The following CGNL1 variants were observed in gnomAD, a reference collection of about 807,000 sequenced individuals.
The protein encoded by CGNL1 is cingulin like 1, also known as cingulin-like protein 1.
Under a neutral mutation model 141.2 loss-of-function variants are expected in CGNL1, and 132 were observed. That is an observed-to-expected ratio of 0.93 (90% CI 0.81 to 1.08). CGNL1 has a LOEUF of 1.08. Ranked by LOEUF, CGNL1 falls within the 50% of genes least tolerant of loss-of-function variation. The pLI is 0.00. For synonymous variants in CGNL1, 690 were observed against 622.1 expected (o/e 1.11, Z -1.63); for missense variants, 1,870 against 1,588.6 (o/e 1.18, Z -3.01).
intron 14 of CGNL1, among the ~76,000 whole-genome samples, chr15:57,538,000 C>T (rs1285921657): frequency 6.8e-6 from 1 of 147,076 alleles, no homozygotes; most frequent in Non-Finnish European, 1.5e-5. Flanking sequence ...TAGGTTTTTC[C>T]CTCCTCCCCG....
intron 1 of CGNL1, among the ~76,000 whole-genome samples, chr15:57,414,494 T>C (rs116060677): frequency 4.9e-3 from 748 of 152,246 alleles, no homozygotes; most frequent in African/African-American, 0.017. Context: ...AGACAGACTT[T>C]TGAGATAGCT....
At chr15:57,543,672 G>A (rs1307245090) in intron 14 of CGNL1, 24 bp from the exon 15 acceptor site, 3 of 1,592,086 alleles carry the variant, frequency 1.9e-6, no homozygotes, top group Non-Finnish European at 2.6e-6. Context: ...TCTAACCTCT[G>A]GGCTTTTGTT....
intron 8 of CGNL1, among the ~76,000 whole-genome samples, chr15:57,487,277 T>A (rs1280608081): frequency 6.6e-6 from 1 of 152,120 alleles, no homozygotes; most frequent in Non-Finnish European, 1.5e-5. Flanking sequence ...AAGAACAACT[T>A]TTTCTTTCTT....
intron 1 of CGNL1, among the ~76,000 whole-genome samples, chr15:57,427,791 T>C (rs570993958): frequency 3.9e-5 from 6 of 152,280 alleles, no homozygotes; most frequent in Non-Finnish European, 8.8e-5. Context: ...CCTTAAGAGA[T>C]ACTTGATAAC....
chr15:57,444,516 T>G (rs1041528688), intron 4 of CGNL1, among the ~76,000 whole-genome samples: 1 of 152,066 alleles, frequency 6.6e-6, no homozygotes, highest in South Asian at 2.1e-4. Context: ...GTTCTTAGAG[T>G]GAGCGCAGTC....
At chr15:57,537,445 T>C (rs549293872) in intron 14 of CGNL1, among the ~76,000 whole-genome samples, 6 of 152,008 alleles carry the variant, frequency 3.9e-5, no homozygotes, top group East Asian at 1.9e-4. Context: ...TCTTCTTCTT[T>C]TTTTTTTTAA....
intron 1 of CGNL1, among the ~76,000 whole-genome samples, chr15:57,415,152 C>A (rs192410454): frequency 1.6e-3 from 239 of 152,284 alleles, no homozygotes; most frequent in African/African-American, 5.5e-3. Flanking sequence ...AGTCCTTTTT[C>A]TTTTCTTCCT....
intron 8 of CGNL1, among the ~76,000 whole-genome samples, chr15:57,511,991 G>A (rs1020216394): frequency 1.3e-5 from 2 of 152,176 alleles, no homozygotes; most frequent in African/African-American, 4.8e-5. Flanking sequence ...TCAGAGAATC[G>A]TAGAAACATA....
At chr15:57,414,021 A>C (rs952826541) in intron 1 of CGNL1, among the ~76,000 whole-genome samples, 2 of 152,238 alleles carry the variant, frequency 1.3e-5, no homozygotes, top group African/African-American at 2.4e-5. Flanking sequence ...TAAAGCCTCA[A>C]GTGACTTGAA....
At chr15:57,461,926 A>G (rs1595729001) in intron 8 of CGNL1, 34 bp downstream of exon 8, 1 of 1,552,274 alleles carries the variant, frequency 6.4e-7, no homozygotes, top group East Asian at 2.2e-5. Flanking sequence ...TGGCTTGTGA[A>G]CAGATGAAAG....
At chr15:57,534,729 A>G (rs1050969014) in intron 14 of CGNL1, among the ~76,000 whole-genome samples, 2 of 152,252 alleles carry the variant, frequency 1.3e-5, no homozygotes, top group African/African-American at 4.8e-5. Flanking sequence ...TAACAAGGAC[A>G]TCTCCTAAAA....
chr15:57,534,476 CTCAT>C (rs1217130934), intron 14 of CGNL1, among the ~76,000 whole-genome samples: 1 of 152,214 alleles, frequency 6.6e-6, no homozygotes, highest in Non-Finnish European at 1.5e-5. Flanking sequence ...GCATCTCATT[CTCAT>C]TCAAAGTTGA....
At chr15:57,398,142 T>C (rs575369680) in intron 1 of CGNL1, among the ~76,000 whole-genome samples, 64 of 152,350 alleles carry the variant, frequency 4.2e-4, no homozygotes, top group African/African-American at 1.5e-3. Flanking sequence ...AATAGATGCT[T>C]ATTGTAAAGC....
chr15:57,522,190 G>T (rs1418671395), intron 10 of CGNL1, among the ~76,000 whole-genome samples: 2 of 152,034 alleles, frequency 1.3e-5, no homozygotes, highest in Non-Finnish European at 2.9e-5. Flanking sequence ...GTTAACCTTG[G>T]TTCTCTGCAG....
At chr15:57,473,538 G>C (rs918688952) in intron 8 of CGNL1, among the ~76,000 whole-genome samples, 3 of 152,130 alleles carry the variant, frequency 2.0e-5, no homozygotes, top group Non-Finnish European at 4.4e-5. Context: ...TTCCCATGTC[G>C]AAAAGGTCTG....
At chr15:57,434,986 G>A (rs149287497) in intron 1 of CGNL1, among the ~76,000 whole-genome samples, 3 of 152,140 alleles carry the variant, frequency 2.0e-5, no homozygotes, top group Admixed American at 6.5e-5. Flanking sequence ...CCCTAATATA[G>A]GGTAGGAGGA....
chr15:57,539,041 C>T (rs190137626), intron 14 of CGNL1, among the ~76,000 whole-genome samples: 70 of 152,268 alleles, frequency 4.6e-4, no homozygotes, highest in African/African-American at 1.6e-3. Context: ...CGCCCAGCGC[C>T]CAGCTTGAGG....
Position 57,546,137 on chromosome 15 carries a change from G to C in CGNL1, c.3671G>C (p.Arg1224Thr). Reference protein sequence around the residue: ...QVEEAEEEIDRLESSKKKLQR... With the variant: ...QVEEAEEEIDTLESSKKKLQR... ...GAGGAGGCTGAGGAGGAAATCGACAGACTGGAAAGTTCTAAAAAGAAGCTG... is the reference window on the plus strand; with the variant it reads ...GAGGAGGCTGAGGAGGAAATCGACACACTGGAAAGTTCTAAAAAGAAGCTG... Residue 1224 changes from arginine (R) to threonine (T), a missense_variant, in exon 18 of 19, where the codon AGA becomes ACA. Physicochemically the swap from Arg to Thr is moderately conservative, Grantham distance 71. Transcript: ENST00000281282. The C allele has an allele frequency of 6.2e-7, 1 of 1,614,036 alleles. No individual in the cohort carries two copies. Among genetic ancestry groups the C allele is most frequent in the South Asian group, 1.1e-5 (1 of 91,038 alleles).
intron 1 of CGNL1, among the ~76,000 whole-genome samples, chr15:57,415,460 A>G (rs2062838315): frequency 1.3e-5 from 2 of 152,236 alleles, no homozygotes; most frequent in Admixed American, 1.3e-4. Flanking sequence ...CCAAGAGCTG[A>G]GAAATGCAGG....
Sources: gnomAD v4.1 joint callset for allele counts (sites outside exome capture counted in the v4.1 genomes callset) on GRCh38, gnomAD v4.1.1 for gene constraint, MANE v1.5 for transcripts, NCBI Gene and HGNC (gene_info 2026-07-23, HGNC 2026-07-21) for gene names.